The following STOX2 variants were observed in gnomAD, a reference collection of about 807,000 sequenced individuals.
STOX2 encodes the protein storkhead box 2.
In STOX2, 28 loss-of-function variants were observed where a neutral mutation model predicts 60.9. That is an observed-to-expected ratio of 0.46 (90% CI 0.34 to 0.63). STOX2 has a LOEUF of 0.63. Ranked by LOEUF, STOX2 falls within the 30% of genes least tolerant of loss-of-function variation. The pLI is 0.01. For synonymous variants in STOX2, 472 were observed against 463.9 expected, an observed-to-expected ratio of 1.02 and a Z score of -0.22; for missense variants, 1,024 against 1,187.7, an observed-to-expected ratio of 0.86 and a Z score of 2.03.
intron 1 of STOX2, among the ~76,000 whole-genome samples, chr4:183,881,282 C>A (rs952834421): frequency 2.0e-5 from 3 of 152,068 alleles, no homozygotes; most frequent in Non-Finnish European, 4.4e-5. Flanking sequence ...GTGGGCGGAT[C>A]CCGAGGTCAG....
Position 184,009,967 on chromosome 4 carries a change from C to T in STOX2, c.1129C>T (p.Arg377Trp), listed in dbSNP as rs760195984. 2.5e-6 allele frequency: 4 copies of T among 1,613,702 alleles called. No homozygotes were observed. The highest frequency in any genetic ancestry group is 1.3e-5 in the African/African-American group (1 of 74,908). The change falls in exon 3 of 4, where the codon CGG (arginine) becomes TGG (tryptophan). Residue 377 changes from arginine to tryptophan, a missense_variant. By Grantham distance (101) the Arg-to-Trp change is moderately radical. Around this residue, in one of 3 missense-constraint regions of STOX2, gnomAD observed 922 missense variants for 1,058.3 expected, o/e 0.87. Transcript: ENST00000308497. This position sits in a 1 kb window ranked among gnomAD's most constrained non-coding sequence, Gnocchi z 4.0. Reference sequence around the variant, plus strand: ...AAAGTCTCGGTCTCACAGCAAGACACGGGTGTCTAAAGGAGACCCTTCCGA... The same window carrying T: ...AAAGTCTCGGTCTCACAGCAAGACATGGGTGTCTAAAGGAGACCCTTCCGA... ...HGKSRSHSKT[R>W]VSKGDPSDGS... is the part of the protein sequence containing the mutation.
At chr4:183,903,648 T>C (rs910628577), upstream of STOX2, among the ~76,000 whole-genome samples, 6 of 152,248 alleles carry the variant, frequency 3.9e-5, no homozygotes, top group Non-Finnish European at 8.8e-5. Flanking sequence ...AAGTCATAGC[T>C]ATTATAATCA....
intron 1 of STOX2, among the ~76,000 whole-genome samples, chr4:183,948,233 A>AAC (rs1334670139): frequency 2.0e-5 from 3 of 150,706 alleles, no homozygotes; most frequent in Non-Finnish European, 3.0e-5. Flanking sequence ...AAAAAAAAAA[A>AAC]AAAAAAAAAA....
At chr4:183,810,312 A>G (rs1363648389) in intron 1 of STOX2, among the ~76,000 whole-genome samples, 2 of 152,190 alleles carry the variant, frequency 1.3e-5, no homozygotes, top group African/African-American at 4.8e-5. Flanking sequence ...CTTCTGCCCT[A>G]GGTTAAAGAA....
At chr4:183,813,485 T>A (rs779966595) in intron 1 of STOX2, among the ~76,000 whole-genome samples, 3 of 152,204 alleles carry the variant, frequency 2.0e-5, no homozygotes, top group Non-Finnish European at 4.4e-5. Context: ...TGGAAGGATG[T>A]GAGTAGGTTA....
chr4:184,002,805 T>C (rs915503023), intron 2 of STOX2, among the ~76,000 whole-genome samples: 3 of 152,236 alleles, frequency 2.0e-5, no homozygotes, highest in African/African-American at 7.2e-5. Context: ...TCTTATCTAC[T>C]GTATTGGTCT....
At position 184,018,952 on chromosome 4, in the gene STOX2, A is replaced by AT. The variant is rs1734477124; in HGVS notation, c.*1672dup. On this transcript the variant is annotated 3_prime_UTR_variant, in exon 4 of 4. Transcript: ENST00000308497. ...ATATATCCCAAAATAAATCTAGAAT[A>AT]TTTTCACCTCCAATTTCAGTAATTG... 6.6e-6 allele frequency: 1 copy of AT among 152,134 alleles called. No homozygotes were observed. The highest frequency in any genetic ancestry group is 2.1e-4 in the South Asian group (1 of 4,832). The allele number at this position is 152,134 out of a possible 1,614,324, so 9.4% of individuals were successfully genotyped here. A position where few individuals can be genotyped will look rare whatever the true frequency, so the allele number is the denominator to read the frequency against.
At position 183,958,558 on chromosome 4, in the gene STOX2, T is replaced by C. The variant is rs144266348; in HGVS notation, c.167-42767T>C. 3.8e-3 allele frequency among the ~76,000 whole-genome samples: 577 copies of C among 152,326 alleles called. 16 individuals are homozygous for C. The highest frequency in any genetic ancestry group is 0.03 in the Admixed American group (460 of 15,304). Reference sequence around the variant, plus strand: ...TTATTTCATGACTTATCTGCTTTCATCTTCCCTCTCATTCTCTTCTCCTTT... The same window carrying C: ...TTATTTCATGACTTATCTGCTTTCACCTTCCCTCTCATTCTCTTCTCCTTT... On this transcript the variant is annotated intron_variant, in intron 1 of 3. Transcript: ENST00000308497.
chr4:183,832,812 T>G (rs1739605934), intron 1 of STOX2, among the ~76,000 whole-genome samples: 1 of 143,092 alleles, frequency 7.0e-6, no homozygotes, highest in African/African-American at 3.1e-5. Context: ...TTACCCTTAC[T>G]GTCGTTAGGC....
chr4:183,948,218 C>CAAA (rs760286920), intron 1 of STOX2, among the ~76,000 whole-genome samples: 863 of 29,858 alleles, frequency 0.029, 256 homozygotes, highest in South Asian at 0.071. Flanking sequence ...AACTCCATCT[C>CAAA]AAAAAAAAAA....
chr4:183,831,143 G>C (rs1453711363), intron 1 of STOX2, among the ~76,000 whole-genome samples: 1 of 151,934 alleles, frequency 6.6e-6, no homozygotes, highest in African/African-American at 2.4e-5. Flanking sequence ...GGGATGGTGG[G>C]GGGATGGAAG....
At chr4:183,942,187 G>C (rs1012708153) in intron 1 of STOX2, among the ~76,000 whole-genome samples, 1 of 152,156 alleles carries the variant, frequency 6.6e-6, no homozygotes, top group East Asian at 1.9e-4. Context: ...ACTGAGAGCA[G>C]ACATTTCAGC....
At chr4:183,997,332 T>C (rs112918860) in intron 1 of STOX2, among the ~76,000 whole-genome samples, 32 of 152,326 alleles carry the variant, frequency 2.1e-4, no homozygotes, top group African/African-American at 7.5e-4. Context: ...ATGCCTGACA[T>C]GTTCAAAGAA....
Position 184,009,466 on chromosome 4 carries a change from C to T in STOX2, c.628C>T (p.His210Tyr), listed in dbSNP as rs772149882. 6.2e-7 allele frequency: 1 copy of T among 1,613,942 alleles called. No homozygotes were observed. The highest frequency in any genetic ancestry group is 2.2e-5 in the East Asian group (1 of 44,898). Residue 210 changes from histidine to tyrosine, a missense_variant, in exon 3 of 4, where the codon CAT (histidine) becomes TAT (tyrosine). Around this residue, in one of 3 missense-constraint regions of STOX2, gnomAD observed 922 missense variants for 1,058.3 expected, o/e 0.87. Transcript: ENST00000308497. This position sits in a 1 kb window ranked among gnomAD's most constrained non-coding sequence, Gnocchi z 4.0. ...CTGCAGAGAAGACGTGCACAGCACG[C>T]ATGCACCCACCCTGCAAAGGAAGTC... ...HCCREDVHST[H>Y]APTLQRKSAK...
chr4:183,960,176 A>G (rs1332550713), intron 1 of STOX2: 3 of 152,322 alleles, frequency 2.0e-5, no homozygotes, highest in Middle Eastern at 3.4e-3. Context: ...GCGCTTTGAA[A>G]CAGTGCCTGC....
upstream of STOX2, among the ~76,000 whole-genome samples, chr4:183,903,410 G>A (rs1461973606): frequency 6.6e-6 from 1 of 152,142 alleles, no homozygotes; most frequent in Non-Finnish European, 1.5e-5. Flanking sequence ...GTAGGTCTCA[G>A]CTCAACTGTC....
chr4:183,800,389 CCTAGAATCGAT>C (rs1738734755), intron 1 of STOX2, among the ~76,000 whole-genome samples: 1 of 152,166 alleles, frequency 6.6e-6, no homozygotes, highest in South Asian at 2.1e-4. Context: ...ATAGGAATAG[CCTAGAATCGAT>C]CTACTGCTAA....
At chr4:183,926,222 G>T (rs553960173) in intron 1 of STOX2, among the ~76,000 whole-genome samples, 2 of 151,966 alleles carry the variant, frequency 1.3e-5, no homozygotes, top group South Asian at 4.1e-4. Context: ...AAAAAGTGCA[G>T]ATTTTAAAAA....
At chr4:183,800,801 C>G (rs9997075) in intron 1 of STOX2, among the ~76,000 whole-genome samples, 2,403 of 152,246 alleles carry the variant, frequency 0.016, 65 homozygotes, top group African/African-American at 0.055. Flanking sequence ...AAAAGTGTCC[C>G]ATTAGATCCT....
Sources: gnomAD v4.1 joint callset for allele counts (sites outside exome capture counted in the v4.1 genomes callset) on GRCh38, gnomAD v4.1.1 for gene constraint, gnomAD v4.1.1 regional missense constraint, Gnocchi (gnomAD v3.1) non-coding constraint, MANE v1.5 for transcripts, NCBI Gene and HGNC (gene_info 2026-07-23, HGNC 2026-07-21) for gene names.